The following AFG2A variants were observed in gnomAD, a reference collection of about 807,000 sequenced individuals.
AFG2A encodes the protein ATPase family gene 2 protein homolog A.
the AFG2A span, among the ~76,000 whole-genome samples, chr4:123,249,368 G>A: frequency 7.9e-5 from 12 of 152,120 alleles, no homozygotes; most frequent in Non-Finnish European, 1.8e-4. Context: ...AAGTTTCTAT[G>A]ATTTTAGTGT....
At chr4:123,004,948 A>G in the AFG2A span, among the ~76,000 whole-genome samples, 1 of 152,036 alleles carries the variant, frequency 6.6e-6, no homozygotes, top group Admixed American at 6.5e-5. Context: ...TTGGTAGTTT[A>G]TATTTTTTCA....
the AFG2A span, among the ~76,000 whole-genome samples, chr4:123,025,511 A>G: frequency 2.6e-5 from 4 of 152,034 alleles, no homozygotes; most frequent in Admixed American, 2.0e-4. Flanking sequence ...TCCATCTTAT[A>G]GTTTATGAAT....
chr4:123,313,579 A>G, the AFG2A span, among the ~76,000 whole-genome samples: 1 of 152,262 alleles, frequency 6.6e-6, no homozygotes, highest in Non-Finnish European at 1.5e-5. Context: ...GTGCGTGCAC[A>G]GCTACCTACC....
the AFG2A span, among the ~76,000 whole-genome samples, chr4:123,117,348 C>T: frequency 9.6e-4 from 145 of 151,176 alleles, no homozygotes; most frequent in African/African-American, 3.4e-3. Flanking sequence ...ACATACACAC[C>T]TAGTGACTTG....
the AFG2A span, among the ~76,000 whole-genome samples, chr4:122,946,216 A>T: frequency 7.1e-4 from 108 of 152,368 alleles, no homozygotes; most frequent in Non-Finnish European, 1.9e-4. Context: ...TGGCAAATAT[A>T]GAGAGCTGTC....
the AFG2A span, among the ~76,000 whole-genome samples, chr4:123,246,278 G>A: frequency 2.0e-5 from 3 of 152,150 alleles, no homozygotes; most frequent in Non-Finnish European, 4.4e-5. Flanking sequence ...TCCTGTTCAG[G>A]TTCACTGCCT....
At chr4:122,980,975 CT>C in the AFG2A span, among the ~76,000 whole-genome samples, 1 of 151,924 alleles carries the variant, frequency 6.6e-6, no homozygotes, top group Admixed American at 6.6e-5. Context: ...ACTCTGTTTC[CT>C]TTGCTGTGCA....
the AFG2A span, among the ~76,000 whole-genome samples, chr4:123,042,568 A>G: frequency 2.6e-5 from 4 of 152,150 alleles, no homozygotes; most frequent in Non-Finnish European, 5.9e-5. Flanking sequence ...CATGTTTCCA[A>G]CTTGAAAGAT....
the AFG2A span, among the ~76,000 whole-genome samples, chr4:123,160,041 T>G: frequency 6.6e-6 from 1 of 151,888 alleles, no homozygotes; most frequent in African/African-American, 2.4e-5. Flanking sequence ...TTGTTGTTGT[T>G]GTTCAGAGAC....
chr4:123,065,466 T>C, the AFG2A span, among the ~76,000 whole-genome samples: 4 of 152,186 alleles, frequency 2.6e-5, no homozygotes, highest in Admixed American at 6.5e-5. Context: ...ACCTGGTATT[T>C]AATAACTACT....
chr4:122,963,100 G>A, the AFG2A span, among the ~76,000 whole-genome samples: 2 of 152,142 alleles, frequency 1.3e-5, no homozygotes, highest in African/African-American at 4.8e-5. Context: ...CACTCATTGA[G>A]CCAGGTACTG....
chr4:123,162,533 G>A, the AFG2A span, among the ~76,000 whole-genome samples: 5 of 152,120 alleles, frequency 3.3e-5, no homozygotes, highest in Admixed American at 2.6e-4. Flanking sequence ...TGGGCCCACT[G>A]ATGGCTTAGA....
At chr4:123,235,586 G>C in the AFG2A span, among the ~76,000 whole-genome samples, 1 of 152,198 alleles carries the variant, frequency 6.6e-6, no homozygotes, top group Non-Finnish European at 1.5e-5. Flanking sequence ...GATAGAATAA[G>C]TGTAGTATGG....
chr4:123,232,216 T>C, the AFG2A span, among the ~76,000 whole-genome samples: 1 of 151,942 alleles, frequency 6.6e-6, no homozygotes, highest in Non-Finnish European at 1.5e-5. Context: ...AGATGATATC[T>C]AAAGTCAAAG....
At chr4:123,169,669 C>T in the AFG2A span, among the ~76,000 whole-genome samples, 19 of 151,944 alleles carry the variant, frequency 1.3e-4, no homozygotes, top group African/African-American at 4.1e-4. Flanking sequence ...TTAATAGAGA[C>T]GGGGTTTCAC....
At chr4:123,035,976 T>C in the AFG2A span, among the ~76,000 whole-genome samples, 1 of 152,164 alleles carries the variant, frequency 6.6e-6, no homozygotes, top group Non-Finnish European at 1.5e-5. Flanking sequence ...TTAGCTGATG[T>C]AGAGAAACTA....
At chr4:123,156,260 G>A in the AFG2A span, among the ~76,000 whole-genome samples, 1 of 151,982 alleles carries the variant, frequency 6.6e-6, no homozygotes, top group Non-Finnish European at 1.5e-5. Flanking sequence ...AAAAAATGGA[G>A]CAAAATCTTG....
chr4:122,927,547 T>TCATGTGG, the AFG2A span: 3 of 1,341,702 alleles, frequency 2.2e-6, no homozygotes, highest in Non-Finnish European at 2.1e-6. Context: ...GGTTATATGG[T>TCATGTGG]TAGAGTATTT....
chr4:123,090,781 C>A, the AFG2A span: 1 of 1,559,372 alleles, frequency 6.4e-7, no homozygotes, highest in South Asian at 1.2e-5. Context: ...TTGTTTTTGT[C>A]AAATTACTTT....
Sources: gnomAD v4.1 joint callset for allele counts (sites outside exome capture counted in the v4.1 genomes callset) on GRCh38, gnomAD v4.1.1 for gene constraint, MANE v1.5 for transcripts, NCBI Gene and HGNC (gene_info 2026-07-23, HGNC 2026-07-21) for gene names.